TSPAN2: variants seen among roughly 807,000 people sequenced by gnomAD.
The protein encoded by TSPAN2 is tetraspanin-2.
A neutral mutation model predicts 33.3 loss-of-function variants in TSPAN2; 24 were observed. That is an observed-to-expected ratio of 0.72 (90% CI 0.52 to 1.01). TSPAN2 has a LOEUF of 1.01. Ranked by LOEUF, TSPAN2 falls within the 50% of genes least tolerant of loss-of-function variation. The probability of loss-of-function intolerance (pLI) is 0.00; values close to 1 mark genes in which losing one functional copy is unlikely to be tolerated. For synonymous variants in TSPAN2, 114 were observed against 104.5 expected (o/e 1.09, Z -0.56); for missense variants, 278 against 281.3 (o/e 0.99, Z 0.08).
At chr1:115,066,329 T>C (rs919111229) in intron 2 of TSPAN2, among the ~76,000 whole-genome samples, 2 of 152,230 alleles carry the variant, frequency 1.3e-5, no homozygotes, top group African/African-American at 4.8e-5. Context: ...CTGTTCTCCA[T>C]AGTGGCTGTA....
At chr1:115,064,182 G>A (rs1189066080) in intron 2 of TSPAN2, among the ~76,000 whole-genome samples, 3 of 152,244 alleles carry the variant, frequency 2.0e-5, no homozygotes, top group African/African-American at 7.2e-5. Context: ...ACAAATGGAG[G>A]TCTGAGAGTC....
intron 1 of TSPAN2, among the ~76,000 whole-genome samples, chr1:115,082,614 A>G (rs923658531): frequency 3.3e-5 from 5 of 152,154 alleles, no homozygotes; most frequent in African/African-American, 1.2e-4. Context: ...TTTCCATGTT[A>G]CTTTTCCTCT....
Position 115,053,428 on chromosome 1 carries a change from A to G in TSPAN2, c.551T>C (p.Val184Ala). 1 of 1,614,002 alleles carries G rather than the reference A, an allele frequency of 6.2e-7. No individual in the cohort carries two copies. Among genetic ancestry groups the G allele is most frequent in the Non-Finnish European group, 8.5e-7 (1 of 1,179,898 alleles). Residue 184 changes from valine (V) to alanine (A), a missense_variant, in exon 7 of 8, where the codon GTT (valine) becomes GCT (alanine). Coordinates refer to ENST00000369516, the MANE Select transcript of TSPAN2 (RefSeq NM_005725.6). ...CIDEIETIIS[V>A]KLQLIGIVGI... ...GACAATTCCAATGAGCTGGAGCTTA[A>G]CACTGATTATGGTCTCAATTTCATC...
At chr1:115,072,655 T>A (rs755115509) in intron 2 of TSPAN2, among the ~76,000 whole-genome samples, 4 of 152,122 alleles carry the variant, frequency 2.6e-5, no homozygotes, top group Non-Finnish European at 5.9e-5. Flanking sequence ...ACTCCCTTGA[T>A]TTTGGAGAGC....
intron 4 of TSPAN2, 61 bp downstream of exon 4, chr1:115,060,403 G>A (rs1322632667): frequency 1.5e-6 from 2 of 1,303,916 alleles, no homozygotes; most frequent in African/African-American, 2.9e-5. Context: ...CACTATTGTG[G>A]GTATCAATAT....
chr1:115,085,203 T>C (rs1238559104), intron 1 of TSPAN2, among the ~76,000 whole-genome samples: 1 of 152,196 alleles, frequency 6.6e-6, no homozygotes, highest in East Asian at 1.9e-4. Flanking sequence ...ACATGACAGA[T>C]GTTGGGAGGG....
At position 115,053,381 on chromosome 1, in the gene TSPAN2, T is replaced by G. The variant is rs746529063; in HGVS notation, c.598A>C (p.Thr200Pro). Residue 200 changes from threonine to proline, a missense_variant and splice_region_variant, in exon 7 of 8, where the codon ACG becomes CCG. By Grantham distance (38) the Thr-to-Pro change is conservative. Coordinates refer to ENST00000369516, the MANE Select transcript of TSPAN2 (RefSeq NM_005725.6). The part of the protein sequence containing the change: ...GIVGIGIAGL[T>P]IFGMIFSMVL... ...GGTAAGTTCTAGAACTTTCTCACCG[T>G]CAGACCTGCAATTCCAATACCGACA... is the stretch of plus-strand genomic sequence containing the variant. 1.2e-6 allele frequency: 2 copies of G among 1,613,900 alleles called. No individual in the cohort carries two copies. Among genetic ancestry groups the G allele is most frequent in the African/African-American group, 2.7e-5 (2 of 75,058 alleles).
At position 115,063,470 on chromosome 1, in the gene TSPAN2, G is replaced by C. The variant is rs150639153; in HGVS notation, c.173-1238C>G. 8.2e-3 allele frequency among the ~76,000 whole-genome samples: 1,244 copies of C among 152,306 alleles called. 8 individuals are homozygous for C. Among genetic ancestry groups the C allele is most frequent in the Non-Finnish European group, 0.013 (904 of 68,038 alleles). ...AAGGGGACACTTTATACAATGTTGC[G>C]AATGTAAATCAGTACAGCCACTGCA... On this transcript the variant is annotated intron_variant, in intron 2 of 7. Coordinates refer to ENST00000369516, the MANE Select transcript of TSPAN2 (RefSeq NM_005725.6).
intron 2 of TSPAN2, among the ~76,000 whole-genome samples, chr1:115,066,649 C>A (rs540676874): frequency 1.3e-5 from 2 of 152,086 alleles, no homozygotes; most frequent in East Asian, 3.9e-4. Flanking sequence ...TTTCTAGCAG[C>A]AGATGGTTTT....
chr1:115,061,298 A>G (rs906790623), intron 3 of TSPAN2, among the ~76,000 whole-genome samples: 14 of 152,244 alleles, frequency 9.2e-5, no homozygotes, highest in Admixed American at 7.2e-4. Context: ...AGAAATATCA[A>G]CACTTTCTCT....
At chr1:115,084,498 A>G (rs74113821) in intron 1 of TSPAN2, among the ~76,000 whole-genome samples, 2,530 of 152,230 alleles carry the variant, frequency 0.017, 58 homozygotes, top group African/African-American at 0.058. Context: ...TGGCTTCTTC[A>G]GACTGTCCCC....
chr1:115,051,269 A>G (rs1268097621), intron 7 of TSPAN2, among the ~76,000 whole-genome samples: 1 of 152,008 alleles, frequency 6.6e-6, no homozygotes, highest in East Asian at 1.9e-4. Context: ...TGATTGCACC[A>G]CTTCACTCCC....
At chr1:115,072,398 A>C (rs763809857) in intron 2 of TSPAN2, among the ~76,000 whole-genome samples, 35 of 151,990 alleles carry the variant, frequency 2.3e-4, no homozygotes, top group Admixed American at 4.6e-4. Flanking sequence ...TGAGATTAGC[A>C]CCTTCAAACC....
chr1:115,057,037 A>G (rs1647456464), intron 6 of TSPAN2, among the ~76,000 whole-genome samples: 2 of 152,176 alleles, frequency 1.3e-5, no homozygotes, highest in Non-Finnish European at 2.9e-5. Context: ...CCGTATTTAT[A>G]GCTTTAAGTT....
In TSPAN2 at chr1:115,050,377, A is replaced by G; in HGVS notation, c.*113T>C. 1.0e-6 allele frequency: 1 copy of G among 980,084 alleles called. No individual in the cohort carries two copies. Among genetic ancestry groups the G allele is most frequent in the Non-Finnish European group, 1.6e-6 (1 of 616,254 alleles). 60.7% of individuals were successfully genotyped at this position (980,084 alleles called of 1,614,324 possible). Reference sequence around the variant, plus strand: ...GTACTCATGCAAATGTACAATTGACAGCAAATTATTTTAGATCCTAATGTC... The same window carrying G: ...GTACTCATGCAAATGTACAATTGACGGCAAATTATTTTAGATCCTAATGTC... On this transcript the variant is annotated 3_prime_UTR_variant, in exon 8 of 8. Coordinates refer to ENST00000369516, the MANE Select transcript of TSPAN2 (RefSeq NM_005725.6).
intron 4 of TSPAN2, among the ~76,000 whole-genome samples, chr1:115,060,107 G>T (rs1647654257): frequency 6.6e-6 from 1 of 152,148 alleles, no homozygotes; most frequent in Admixed American, 6.5e-5. Flanking sequence ...AGGACAAATG[G>T]CAGTCTGACA....
rs766866673 is a variant in TSPAN2 at position 115,050,349 on chromosome 1, T to C, written c.*141A>G. ...GGGTAAACCAGTAATGAGCCAAACA[T>C]ACGTACTCATGCAAATGTACAATTG... On this transcript the variant is annotated 3_prime_UTR_variant, in exon 8 of 8. Coordinates refer to ENST00000369516, the MANE Select transcript of TSPAN2 (RefSeq NM_005725.6). 1 of 769,230 alleles carries C rather than the reference T, an allele frequency of 1.3e-6. No individual in the cohort carries two copies. Among genetic ancestry groups the C allele is most frequent in the Non-Finnish European group, 2.3e-6 (1 of 443,208 alleles). The allele number at this position is 769,230 out of a possible 1,614,324, so 47.7% of individuals were successfully genotyped here.
chr1:115,077,941 C>T (rs751926324), intron 1 of TSPAN2, among the ~76,000 whole-genome samples: 4 of 152,214 alleles, frequency 2.6e-5, no homozygotes, highest in African/African-American at 2.4e-5. Context: ...AGAGCAAATA[C>T]CTGCTATCCA....
At chr1:115,080,081 T>C (rs1648566525) in intron 1 of TSPAN2, among the ~76,000 whole-genome samples, 1 of 152,136 alleles carries the variant, frequency 6.6e-6, no homozygotes, top group African/African-American at 2.4e-5. Flanking sequence ...GCTGGAGAAA[T>C]ATAAGCTCAG....
Sources: allele counts gnomAD v4.1 joint callset (sites outside exome capture counted in the v4.1 genomes callset), GRCh38; gene constraint gnomAD v4.1.1; transcripts MANE v1.5; gene names NCBI Gene and HGNC (gene_info 2026-07-23, HGNC 2026-07-21).